Variants in COL23A1 observed in about 807,000 individuals in gnomAD.
The protein encoded by COL23A1 is collagen alpha-1(XXIII) chain.
Under a neutral mutation model 99.3 loss-of-function variants are expected in COL23A1, and 97 were observed. The ratio of observed to expected loss-of-function variants is 0.98; its 90% CI spans 0.83 to 1.16. The LOEUF (loss-of-function observed/expected upper bound fraction) is 1.16. COL23A1 is among the 50% of genes most tolerant of loss of function. COL23A1 has a pLI of 0.00. For synonymous variants in COL23A1, 320 were observed against 308.2 expected (o/e 1.04, Z -0.40); for missense variants, 762 against 757.4 (o/e 1.01, Z -0.07).
chr5:178,580,115 A>G (rs1040402148), intron 1 of COL23A1, among the ~76,000 whole-genome samples: 1 of 152,052 alleles, frequency 6.6e-6, no homozygotes, highest in Non-Finnish European at 1.5e-5. Flanking sequence ...ATCACTTGAG[A>G]TCAGGAGTTA....
intron 2 of COL23A1, among the ~76,000 whole-genome samples, chr5:178,462,580 T>A (rs970304311): frequency 1.3e-5 from 2 of 152,192 alleles, no homozygotes; most frequent in Admixed American, 1.3e-4. Flanking sequence ...ACTATTGTTG[T>A]GCTATTCAGT....
chr5:178,270,007 G>A (rs992542419), intron 6 of COL23A1, among the ~76,000 whole-genome samples: 1 of 152,172 alleles, frequency 6.6e-6, no homozygotes, highest in African/African-American at 2.4e-5. Context: ...TGCCTGCTGG[G>A]AGGTGCTCGC....
chr5:178,481,962 G>A (rs939682348), intron 2 of COL23A1, among the ~76,000 whole-genome samples: 2 of 150,724 alleles, frequency 1.3e-5, no homozygotes, highest in Non-Finnish European at 2.9e-5. Context: ...CATGGCACAT[G>A]TATACATATG....
In COL23A1 at chr5:178,306,814, A is replaced by G; in HGVS notation, c.406+61T>C. On this transcript the variant is annotated intron_variant, in intron 3 of 28. Coordinates refer to ENST00000390654, the MANE Select transcript of COL23A1 (RefSeq NM_173465.4). This position sits in a 1 kb window ranked among gnomAD's most constrained non-coding sequence, Gnocchi z 4.1. Reference sequence around the variant, plus strand: ...GCAGGTGGCCAGGCCCTGCAGTCAGAGCCTGGGGCCATGGTGGCTTCCAAG... The same window carrying G: ...GCAGGTGGCCAGGCCCTGCAGTCAGGGCCTGGGGCCATGGTGGCTTCCAAG... 1 of 1,284,020 alleles carries G rather than the reference A, an allele frequency of 7.8e-7. No homozygotes were observed. Among genetic ancestry groups the G allele is most frequent in the Non-Finnish European group, 1.0e-6 (1 of 966,458 alleles). The allele number at this position is 1,284,020 out of a possible 1,614,324, so 79.5% of individuals were successfully genotyped here.
At chr5:178,371,324 G>C (rs1005493962) in intron 2 of COL23A1, among the ~76,000 whole-genome samples, 12 of 152,330 alleles carry the variant, frequency 7.9e-5, no homozygotes, top group African/African-American at 2.6e-4. Flanking sequence ...TAGAGGGTGA[G>C]AGGCTGTGTG....
At chr5:178,451,731 T>G (rs1311225972) in intron 2 of COL23A1, among the ~76,000 whole-genome samples, 1 of 151,176 alleles carries the variant, frequency 6.6e-6, no homozygotes, top group Non-Finnish European at 1.5e-5. Flanking sequence ...AGTGATTAGA[T>G]CTAAAGAAAG....
At chr5:178,408,414 A>T (rs1277213295) in intron 2 of COL23A1, among the ~76,000 whole-genome samples, 2 of 152,236 alleles carry the variant, frequency 1.3e-5, no homozygotes, top group African/African-American at 4.8e-5. Flanking sequence ...ATGGGTAAAT[A>T]TAATAGGTCT....
rs890803 is a variant in COL23A1 at position 178,256,184 on chromosome 5, T to C, written c.882+169A>G. Among the ~76,000 whole-genome samples, 97,124 of 152,094 alleles carry C rather than the reference T, an allele frequency of 0.64. 31,293 individuals carry two copies. The highest frequency in any genetic ancestry group is 0.72 in the African/African-American group (29,793 of 41,462). ...TTGAACATTTTACCCCAAAAAAGCA[T>C]GTACTCTGGATTTTCAAAAATCACG... On this transcript the variant is annotated intron_variant, in intron 15 of 28. Coordinates refer to ENST00000390654, the MANE Select transcript of COL23A1 (RefSeq NM_173465.4).
chr5:178,537,460 C>T (rs758167420), intron 2 of COL23A1, among the ~76,000 whole-genome samples: 75 of 152,202 alleles, frequency 4.9e-4, no homozygotes, highest in Non-Finnish European at 1.9e-4. Flanking sequence ...GAACTAGTAC[C>T]GAGGAGAGGA....
rs4460156 is a variant in COL23A1 at position 178,366,759 on chromosome 5, C to T, written c.362-59840G>A. On this transcript the variant is annotated intron_variant, in intron 2 of 28. Coordinates refer to ENST00000390654, the MANE Select transcript of COL23A1 (RefSeq NM_173465.4). The surrounding 1 kb of genome is among the most constrained non-coding windows in gnomAD (Gnocchi z 4.4). The stretch of plus-strand genomic sequence containing the variant: ...TTCCTCCTCCGTGCCTGTGCTTCTG[C>T]TGGTCTAAATCATTATCTATTGCTG... 0.054 allele frequency among the ~76,000 whole-genome samples: 8,254 copies of T among 152,282 alleles called. 589 individuals are homozygous for T. Among genetic ancestry groups the T allele is most frequent in the East Asian group, 0.39 (2,019 of 5,148 alleles).
intron 1 of COL23A1, among the ~76,000 whole-genome samples, chr5:178,564,479 G>A (rs545002257): frequency 3.3e-5 from 5 of 151,746 alleles, no homozygotes; most frequent in Non-Finnish European, 7.4e-5. Flanking sequence ...AAAAGCCTCA[G>A]CATTTTACAT....
At chr5:178,547,469 C>CCACACACACACCCACACACACACCCA (rs1761649808) in intron 2 of COL23A1, among the ~76,000 whole-genome samples, 1 of 59,212 alleles carries the variant, frequency 1.7e-5, no homozygotes, top group Non-Finnish European at 4.1e-5. Context: ...GCACACACAC[C>CCACACACACACCCACACACACACCCA]CACACACCCA....
At chr5:178,498,275 A>AAAAAAT (rs1277071638) in intron 2 of COL23A1, among the ~76,000 whole-genome samples, 6 of 139,204 alleles carry the variant, frequency 4.3e-5, no homozygotes, top group African/African-American at 7.8e-5. Context: ...CTTAAAAATA[A>AAAAAAT]AAAAATAAAA....
At chr5:178,442,885 G>C (rs1766953270) in intron 2 of COL23A1, 1 of 152,270 alleles carries the variant, frequency 6.6e-6, no homozygotes. Context: ...TCACAAGCAG[G>C]GGAGAATGAG....
rs1459565663 is a variant in COL23A1, at chr5:178,357,926, GTGTATGTGTA to G, written c.362-51017_362-51008del. The stretch of plus-strand genomic sequence containing the variant: ...GTCTAATGTGTGTGTATGTGTATGT[GTGTATGTGTA>G]TGTATGTGTGTGTATGTATATGTGT... On this transcript the variant is annotated intron_variant, in intron 2 of 28. Coordinates refer to ENST00000390654, the MANE Select transcript of COL23A1 (RefSeq NM_173465.4). Among the ~76,000 whole-genome samples, 8 of 150,042 alleles carry G rather than the reference GTGTATGTGTA, an allele frequency of 5.3e-5. No individual in the cohort carries two copies. The East Asian group carries it at 5.9e-4, about 11-fold the overall frequency.
intron 2 of COL23A1, among the ~76,000 whole-genome samples, chr5:178,332,631 C>G (rs1035065354): frequency 2.6e-5 from 4 of 152,166 alleles, no homozygotes; most frequent in Non-Finnish European, 5.9e-5. Flanking sequence ...ACACAAGAAA[C>G]AGACTCGTTC....
Position 178,245,970 on chromosome 5 carries a change from T to C in COL23A1, c.1414-2A>G. The stretch of plus-strand genomic sequence containing the variant: ...TAGTCCTGGCTCCCCGGGTCTGCCC[T>C]GAGGAGAGACACAGAGTGGGTGAGA... On this transcript the variant is annotated splice_acceptor_variant, in intron 24 of 28. Transcript: ENST00000390654. LOFTEE classifies it high-confidence loss of function. 6.2e-7 allele frequency: 1 copy of C among 1,613,964 alleles called. No homozygotes were observed. The highest frequency in any genetic ancestry group is 8.5e-7 in the Non-Finnish European group (1 of 1,179,974).
Position 178,242,061 on chromosome 5 carries a change from A to G in COL23A1, c.1562T>C (p.Leu521Pro). Residue 521 changes from leucine (L) to proline (P), a missense_variant, in exon 27 of 29, where the codon CTG (leucine) becomes CCG (proline). Coordinates refer to ENST00000390654, the MANE Select transcript of COL23A1 (RefSeq NM_173465.4). ...GQKGEPGPPG[L>P]DQPCPVGPDG... ...ACCTACCACGGGACACGGCTGGTCC[A>G]GGCCTGGTGGTCCCGGCTCGCCCTT... 1 of 1,554,716 alleles carries G rather than the reference A, an allele frequency of 6.4e-7. No homozygotes were observed. Among genetic ancestry groups the G allele is most frequent in the Non-Finnish European group, 8.7e-7 (1 of 1,148,604 alleles).
At chr5:178,256,483 C>CTGGG in intron 14 of COL23A1, 86 bp from the exon 15 acceptor site, 5 of 1,280,388 alleles carry the variant, frequency 3.9e-6, no homozygotes, top group Non-Finnish European at 5.3e-6. Flanking sequence ...CCCCTCTTCC[C>CTGGG]AGGAGGGCCC....
Sources: gnomAD v4.1 joint callset for allele counts (sites outside exome capture counted in the v4.1 genomes callset) on GRCh38, gnomAD v4.1.1 for gene constraint, Gnocchi (gnomAD v3.1) non-coding constraint, MANE v1.5 for transcripts, NCBI Gene and HGNC (gene_info 2026-07-23, HGNC 2026-07-21) for gene names.